AP1M1: variants seen among roughly 807,000 people sequenced by gnomAD.
AP1M1 encodes the protein adaptor related protein complex 1 subunit mu 1.
A neutral mutation model predicts 57.1 loss-of-function variants in AP1M1; 18 were observed. The ratio of observed to expected loss-of-function variants is 0.32; its 90% CI spans 0.22 to 0.47. The LOEUF is 0.47. AP1M1 is among the 20% of genes least tolerant of loss of function. The pLI, the probability that AP1M1 is intolerant of heterozygous loss-of-function variation, is 1.00. For missense variants in AP1M1, 362 were observed against 593.5 expected (o/e 0.61, Z 4.05); for synonymous variants, 241 against 237.9 (o/e 1.01, Z -0.12).
Position 16,207,991 on chromosome 19 carries a change from T to C in AP1M1, c.268-28T>C, listed in dbSNP as rs1273823429. ...CGTCCGCTCAATGATCTGCCTCCCA[T>C]TCCTCCCTCCCTCCCCAACCGCCAC... On this transcript the variant is annotated intron_variant, in intron 3 of 11. Transcript: ENST00000291439. This position sits in a 1 kb window ranked among gnomAD's most constrained non-coding sequence, Gnocchi z 4.2. 1 of 1,598,326 alleles carries C rather than the reference T, an allele frequency of 6.3e-7. No individual in the cohort carries two copies. Among genetic ancestry groups the C allele is most frequent in the African/African-American group, 1.3e-5 (1 of 74,298 alleles).
At chr19:16,198,161 G>T in intron 1 of AP1M1, 93 bp downstream of exon 1, 1 of 1,447,790 alleles carries the variant, frequency 6.9e-7, no homozygotes, top group Non-Finnish European at 9.5e-7. Flanking sequence ...ACCGGCTTAT[G>T]AGCCCCATCC....
Position 16,207,584 on chromosome 19 carries a change from G to A in AP1M1, c.268-435G>A, listed in dbSNP as rs75294436. 0.012 allele frequency among the ~76,000 whole-genome samples: 1,817 copies of A among 152,270 alleles called. 44 individuals carry two copies. The highest frequency in any genetic ancestry group is 0.041 in the African/African-American group (1,696 of 41,534). The stretch of plus-strand genomic sequence containing the variant: ...CTTCTAACAGCCCCTCTTCTTTGGC[G>A]TCCCTTCCTTAACCTTCTGAGCTTT... On this transcript the variant is annotated intron_variant, in intron 3 of 11. Coordinates refer to ENST00000291439, the MANE Select transcript of AP1M1 (RefSeq NM_032493.4). The surrounding 1 kb of genome is among the most constrained non-coding windows in gnomAD (Gnocchi z 4.2).
At chr19:16,211,928 C>G (rs1042699423) in intron 5 of AP1M1, among the ~76,000 whole-genome samples, 1 of 152,146 alleles carries the variant, frequency 6.6e-6, no homozygotes, top group African/African-American at 2.4e-5. Context: ...TTGAACCAAC[C>G]TTGCATCCCA....
At chr19:16,232,702 A>G (rs1403077453) in intron 9 of AP1M1, among the ~76,000 whole-genome samples, 2 of 152,218 alleles carry the variant, frequency 1.3e-5, no homozygotes, top group Admixed American at 1.3e-4. Flanking sequence ...GCTGTGAGGC[A>G]GAAACAGCCC....
intron 5 of AP1M1, among the ~76,000 whole-genome samples, chr19:16,216,729 C>T (rs1437695530): frequency 2.0e-5 from 3 of 152,198 alleles, no homozygotes; most frequent in African/African-American, 7.2e-5. Context: ...TCCTGAACTG[C>T]ATGCTCTAAC....
At chr19:16,204,791 CT>C (rs1411957922) in intron 2 of AP1M1, among the ~76,000 whole-genome samples, 1 of 151,066 alleles carries the variant, frequency 6.6e-6, no homozygotes, top group African/African-American at 2.4e-5. Flanking sequence ...TCACCTGGCT[CT>C]GGAAGGCCCT....
At chr19:16,223,114 A>G (rs1363893157) in intron 5 of AP1M1, among the ~76,000 whole-genome samples, 9 of 152,110 alleles carry the variant, frequency 5.9e-5, no homozygotes, top group Admixed American at 5.9e-4. Context: ...GGAAATATTG[A>G]TATTTTTGTT....
intron 5 of AP1M1, among the ~76,000 whole-genome samples, chr19:16,214,205 T>G (rs1285656707): frequency 1.3e-5 from 2 of 151,094 alleles, no homozygotes; most frequent in African/African-American, 4.9e-5. Flanking sequence ...TATGCCACCA[T>G]GCCCAGCTAA....
rs2091470242 is a variant in AP1M1, at chr19:16,206,537, A to G, written c.267+129A>G. 1 of 960,340 alleles carries G rather than the reference A, an allele frequency of 1.0e-6. No homozygotes were observed. The highest frequency in any genetic ancestry group is 1.6e-6 in the Non-Finnish European group (1 of 623,066). The allele number at this position is 960,340 out of a possible 1,614,324, so 59.5% of individuals were successfully genotyped here. A position where few individuals can be genotyped will look rare whatever the true frequency, so the allele number is the denominator to read the frequency against. On this transcript the variant is annotated intron_variant, in intron 3 of 11. Transcript: ENST00000291439. The surrounding 1 kb of genome is among the most constrained non-coding windows in gnomAD (Gnocchi z 4.3). ...CAGGGAGCACTGGGGCTGGAAGCCCAGGAAGTGGGAAAGGGGAGTCCCAAC... is the reference window on the plus strand; with the variant it reads ...CAGGGAGCACTGGGGCTGGAAGCCCGGGAAGTGGGAAAGGGGAGTCCCAAC...
At chr19:16,202,249 A>G (rs12982033) in intron 1 of AP1M1, among the ~76,000 whole-genome samples, 102,470 of 152,086 alleles carry the variant, frequency 0.67, 36,256 homozygotes, top group Non-Finnish European at 0.8. Context: ...TCAGCGCCGC[A>G]ATGGCCTTCT....
intron 2 of AP1M1, among the ~76,000 whole-genome samples, chr19:16,204,798 G>A (rs1446604568): frequency 6.7e-6 from 1 of 150,116 alleles, no homozygotes; most frequent in East Asian, 2.0e-4. Flanking sequence ...GCTCTGGAAG[G>A]CCCTGAGAAT....
In AP1M1 at chr19:16,227,199, G is replaced by A. The variant is rs1242257974; in HGVS notation, c.674-349G>A. Reference sequence around the variant, plus strand: ...AGGTAGGACCCAGGACCCCGTGGATGCCAGGGCCTGAGCCCTTGGGGAGCC... The same window carrying A: ...AGGTAGGACCCAGGACCCCGTGGATACCAGGGCCTGAGCCCTTGGGGAGCC... On this transcript the variant is annotated intron_variant, in intron 6 of 11. Transcript: ENST00000291439. The surrounding 1 kb of genome is among the most constrained non-coding windows in gnomAD (Gnocchi z 6.2). Among the ~76,000 whole-genome samples the A allele has an allele frequency of 6.6e-6, 1 of 152,172 alleles. No homozygotes were observed. Among genetic ancestry groups the A allele is most frequent in the Non-Finnish European group, 1.5e-5 (1 of 68,012 alleles).
intron 1 of AP1M1, among the ~76,000 whole-genome samples, chr19:16,202,672 C>G (rs965539846): frequency 1.3e-5 from 2 of 152,216 alleles, no homozygotes; most frequent in African/African-American, 4.8e-5. Context: ...CGATCCCTTC[C>G]GTTGCTGAGG....
intron 5 of AP1M1, among the ~76,000 whole-genome samples, chr19:16,210,554 GTTTTGT>G (rs59903550): frequency 0.017 from 2,558 of 152,188 alleles, 67 homozygotes; most frequent in African/African-American, 0.059. Flanking sequence ...ACAGTTTTGT[GTTTTGT>G]TTTTGTTTTT....
Position 16,226,519 on chromosome 19 carries a change from C to T in AP1M1, c.645C>T (p.Asn215=), listed in dbSNP as rs750850455. ...SGMPELRLGL[N]DKVLFDNTGR... is the part of the protein sequence containing the mutation. ...TGCCCGAGCTGCGCCTGGGCCTCAACGACAAGGTCCTCTTTGACAACACGG... is the reference window on the plus strand; with the variant it reads ...TGCCCGAGCTGCGCCTGGGCCTCAATGACAAGGTCCTCTTTGACAACACGG... Residue 215 remains asparagine, a synonymous_variant, in exon 6 of 12, where the codon AAC becomes AAT. Coordinates refer to ENST00000291439, the MANE Select transcript of AP1M1 (RefSeq NM_032493.4). 14 of 1,591,742 alleles carry T rather than the reference C, an allele frequency of 8.8e-6. No homozygotes were observed. Among genetic ancestry groups the T allele is most frequent in the African/African-American group, 6.7e-5 (5 of 74,668 alleles).
chr19:16,228,818 C>T lies in AP1M1; in HGVS notation c.937C>T (p.His313Tyr), dbSNP rs1410930791. ...RRSTANNVEI[H>Y]IPVPNDADSP... ...GTCAACAGCCAACAACGTGGAGATCCACATTCCCGTGCCCAATGATGCCGA... is the reference window on the plus strand; with the variant it reads ...GTCAACAGCCAACAACGTGGAGATCTACATTCCCGTGCCCAATGATGCCGA... Residue 313 changes from histidine (H) to tyrosine (Y), a missense_variant, in exon 9 of 12, where the codon CAC becomes TAC. By Grantham distance (83) the His-to-Tyr change is moderately conservative (BLOSUM62 2). Transcript: ENST00000291439. This position sits in a 1 kb window ranked among gnomAD's most constrained non-coding sequence, Gnocchi z 5.0. 2 of 1,614,112 alleles carry T rather than the reference C, an allele frequency of 1.2e-6. No homozygotes were observed. Among genetic ancestry groups the T allele is most frequent in the Admixed American group, 1.7e-5 (1 of 60,026 alleles).
intron 5 of AP1M1, among the ~76,000 whole-genome samples, chr19:16,209,455 C>T (rs565911739): frequency 7.2e-5 from 11 of 152,246 alleles, no homozygotes; most frequent in East Asian, 1.9e-4. Context: ...CTCAGCCTCC[C>T]GTGTAGCCGG....
At chr19:16,200,295 G>A (rs905786121) in intron 1 of AP1M1, among the ~76,000 whole-genome samples, 2 of 152,180 alleles carry the variant, frequency 1.3e-5, no homozygotes, top group Non-Finnish European at 2.9e-5. Context: ...AGAGGGCGAC[G>A]CTGGAAGTAG....
At chr19:16,214,921 A>G (rs907240084) in intron 5 of AP1M1, among the ~76,000 whole-genome samples, 9 of 150,760 alleles carry the variant, frequency 6.0e-5, no homozygotes, top group Non-Finnish European at 1.2e-4. Context: ...GCTAATGTAT[A>G]TGTTTTTGGT....
Sources: allele counts gnomAD v4.1 joint callset (sites outside exome capture counted in the v4.1 genomes callset), GRCh38; gene constraint gnomAD v4.1.1; non-coding constraint Gnocchi (gnomAD v3.1); transcripts MANE v1.5; gene names NCBI Gene and HGNC (gene_info 2026-07-23, HGNC 2026-07-21).